Variants in LIPK observed in about 807,000 individuals in gnomAD.
The protein encoded by LIPK is lipase member K.
LIPK carries 32 observed loss-of-function variants against 48.6 expected under a neutral mutation model. The observed-to-expected ratio is 0.66, with a 90% CI of 0.50 to 0.88. LIPK has a LOEUF of 0.88. LIPK is among the 40% of genes least tolerant of loss of function. The pLI is 0.00. For missense variants in LIPK, 507 were observed against 478.5 expected (o/e 1.06, Z -0.56); for synonymous variants, 164 against 157.4 (o/e 1.04, Z -0.32).
In LIPK at chr10:88,724,618, C is replaced by T. The variant is rs1426291157; in HGVS notation, c.75C>T (p.Asn25=). The change falls in exon 2 of 10, where the codon AAC becomes AAT. Residue 25 remains asparagine, a synonymous_variant. Coordinates refer to ENST00000404190, the MANE Select transcript of LIPK (RefSeq NM_001080518.2). ...TGTATGGTTATGACAAGAAAGGAAACAATGCAAACCCTGAAGCTAATATGA... is the reference window on the plus strand; with the variant it reads ...TGTATGGTTATGACAAGAAAGGAAATAATGCAAACCCTGAAGCTAATATGA... ...GSMYGYDKKG[N]NANPEANMNI... 1.2e-6 allele frequency: 2 copies of T among 1,604,480 alleles called. No individual in the cohort carries two copies. The highest frequency in any genetic ancestry group is 1.7e-6 in the Non-Finnish European group (2 of 1,176,632).
chr10:88,722,103 GC>G (rs1265187740), intron 1 of LIPK, among the ~76,000 whole-genome samples: 1 of 152,178 alleles, frequency 6.6e-6, no homozygotes, highest in Non-Finnish European at 1.5e-5. Context: ...TTCGAGACCA[GC>G]CTGACCAAAA....
chr10:88,713,224 A>G (rs1842055466), intron 1 of LIPK, among the ~76,000 whole-genome samples: 4 of 152,224 alleles, frequency 2.6e-5, no homozygotes, highest in African/African-American at 9.6e-5. Context: ...ACCAACAAAA[A>G]GAGGATAATA....
chr10:88,737,817 T>C (rs2134760001), intron 7 of LIPK, 36 bp downstream of exon 7: 1 of 1,608,812 alleles, frequency 6.2e-7, no homozygotes, highest in Middle Eastern at 1.7e-4. Context: ...AAAACATTTG[T>C]TTTGTTGCAC....
intron 1 of LIPK, among the ~76,000 whole-genome samples, chr10:88,721,424 T>C (rs915712134): frequency 6.6e-6 from 1 of 152,200 alleles, no homozygotes; most frequent in Non-Finnish European, 1.5e-5. Flanking sequence ...CTGTTTAGAT[T>C]GGACTTGACA....
intron 1 of LIPK, among the ~76,000 whole-genome samples, chr10:88,711,833 CT>C (rs1298117869): frequency 5.3e-5 from 8 of 151,742 alleles, no homozygotes; most frequent in East Asian, 1.9e-4. Flanking sequence ...ATTTTTTAAT[CT>C]TTTTTTTGCT....
chr10:88,739,813 C>G (rs187889215), intron 7 of LIPK, among the ~76,000 whole-genome samples, 183 bp from the exon 8 acceptor site: 13 of 151,752 alleles, frequency 8.6e-5, no homozygotes, highest in Admixed American at 3.3e-4. Flanking sequence ...TGAGATTGCA[C>G]CACTGCACTC....
intron 7 of LIPK, 24 bp from the exon 8 acceptor site, chr10:88,739,972 A>T: frequency 6.5e-7 from 1 of 1,543,432 alleles, no homozygotes; most frequent in Non-Finnish European, 8.9e-7. Context: ...ATTAGCCTCT[A>T]GATGAGAAGT....
At chr10:88,739,104 GTTTTGT>G (rs1306001165) in intron 7 of LIPK, among the ~76,000 whole-genome samples, 5 of 152,132 alleles carry the variant, frequency 3.3e-5, no homozygotes, top group Admixed American at 6.5e-5. Context: ...TTTTGTGTGT[GTTTTGT>G]TTTTGTTTTT....
intron 3 of LIPK, among the ~76,000 whole-genome samples, chr10:88,730,232 T>C (rs545837522): frequency 6.6e-6 from 1 of 152,320 alleles, no homozygotes; most frequent in African/African-American, 2.4e-5. Flanking sequence ...ATGCTATTAA[T>C]ATAAGTAACA....
At chr10:88,711,457 T>C (rs139258229) in intron 1 of LIPK, among the ~76,000 whole-genome samples, 1 of 152,072 alleles carries the variant, frequency 6.6e-6, no homozygotes, top group Admixed American at 6.6e-5. Context: ...AGTTGTACAT[T>C]AGCTGTTTTG....
chr10:88,715,716 TTTTC>T (rs775492661), intron 1 of LIPK, among the ~76,000 whole-genome samples: 77 of 152,160 alleles, frequency 5.1e-4, no homozygotes, highest in Middle Eastern at 3.4e-3. Context: ...TCTTTCTTCC[TTTTC>T]TTTCTTTTTT....
chr10:88,730,065 T>C (rs1842433240), intron 3 of LIPK, among the ~76,000 whole-genome samples: 1 of 152,246 alleles, frequency 6.6e-6, no homozygotes, highest in African/African-American at 2.4e-5. Context: ...ACCTTGTTTT[T>C]TGCTTTCTAA....
intron 9 of LIPK, among the ~76,000 whole-genome samples, chr10:88,744,582 T>A (rs191424724): frequency 7.9e-5 from 12 of 152,164 alleles, no homozygotes; most frequent in Admixed American, 1.3e-4. Flanking sequence ...ACAACTTATA[T>A]CACAGTCATA....
chr10:88,732,325 G>T, intron 5 of LIPK, 38 bp downstream of exon 5: 1 of 1,595,094 alleles, frequency 6.3e-7, no homozygotes, highest in Non-Finnish European at 8.6e-7. Flanking sequence ...AATGTCAGGG[G>T]CTCTTCTTCC....
At chr10:88,719,722 G>A (rs1038728751) in intron 1 of LIPK, among the ~76,000 whole-genome samples, 1 of 152,178 alleles carries the variant, frequency 6.6e-6, no homozygotes, top group Non-Finnish European at 1.5e-5. Context: ...TGAAGAATTA[G>A]GGTGGGGACT....
chr10:88,726,060 T>C (rs1842331243), intron 2 of LIPK, among the ~76,000 whole-genome samples: 1 of 133,524 alleles, frequency 7.5e-6, no homozygotes, highest in South Asian at 2.6e-4. Context: ...ACTTTCTCCT[T>C]CGGGCTTCCA....
intron 7 of LIPK, among the ~76,000 whole-genome samples, chr10:88,738,447 A>G (rs190693638): frequency 6.6e-6 from 1 of 152,232 alleles, no homozygotes; most frequent in East Asian, 1.9e-4. Flanking sequence ...CTACTCTCCC[A>G]GTCAGTAGAA....
chr10:88,729,252 T>TGC (rs1388279339), intron 3 of LIPK, among the ~76,000 whole-genome samples: 2 of 40,176 alleles, frequency 5.0e-5, no homozygotes, highest in South Asian at 2.3e-3. Flanking sequence ...GGCTATCTGT[T>TGC]GGGGGGGGGG....
chr10:88,713,406 A>G (rs1265702891), intron 1 of LIPK, among the ~76,000 whole-genome samples: 2 of 143,564 alleles, frequency 1.4e-5, no homozygotes, highest in Non-Finnish European at 3.0e-5. Context: ...TTGTATTACC[A>G]TAACAGTGTT....
Sources: gnomAD v4.1 joint callset for allele counts (sites outside exome capture counted in the v4.1 genomes callset) on GRCh38, gnomAD v4.1.1 for gene constraint, MANE v1.5 for transcripts, NCBI Gene and HGNC (gene_info 2026-07-23, HGNC 2026-07-21) for gene names.